OSBPL1A: variants seen among roughly 807,000 people sequenced by gnomAD.
OSBPL1A encodes the protein oxysterol-binding protein-related protein 1.
OSBPL1A carries 80 observed loss-of-function variants against 137.1 expected under a neutral mutation model. That is an observed-to-expected ratio of 0.58 (90% confidence interval 0.49 to 0.70). OSBPL1A has a LOEUF of 0.70. Among genes scored for constraint, OSBPL1A ranks in the 30% least tolerant of loss-of-function variants. The probability of loss-of-function intolerance (pLI) is 0.00; values close to 1 mark genes in which losing one functional copy is unlikely to be tolerated. For synonymous variants in OSBPL1A, 365 were observed against 389.7 expected (o/e 0.94, Z 0.75); for missense variants, 970 against 1,129.4 (o/e 0.86, Z 2.02).
intron 1 of OSBPL1A, among the ~76,000 whole-genome samples, chr18:24,388,351 T>C (rs1430643980): frequency 6.6e-6 from 1 of 152,042 alleles, no homozygotes. Context: ...GATGGATGGA[T>C]GGGCGGATGG....
At chr18:24,182,300 G>A (rs1039894499) in intron 18 of OSBPL1A, among the ~76,000 whole-genome samples, 11 of 152,180 alleles carry the variant, frequency 7.2e-5, no homozygotes, top group African/African-American at 2.7e-4. Flanking sequence ...TTTACCATGT[G>A]CCACCAGCAA....
chr18:24,259,910 G>C (rs1054398824), intron 15 of OSBPL1A, among the ~76,000 whole-genome samples: 1 of 152,146 alleles, frequency 6.6e-6, no homozygotes, highest in Non-Finnish European at 1.5e-5. Context: ...ATGGAAGGAA[G>C]TATTTGCAAA....
chr18:24,325,404 A>T (rs998039891), intron 7 of OSBPL1A, among the ~76,000 whole-genome samples: 1 of 152,068 alleles, frequency 6.6e-6, no homozygotes, highest in African/African-American at 2.4e-5. Context: ...CTTTTCCTCA[A>T]TGTGCCACGT....
rs141602259 is a variant in OSBPL1A at position 24,268,311 on chromosome 18, G to C, written c.1281+12531C>G. The stretch of plus-strand genomic sequence containing the variant: ...TTTATATTTTTTTTGGGAGAGACAG[G>C]GTTTCACTATGCTGCTGAGGCTGGT... On this transcript the variant is annotated intron_variant, in intron 15 of 27. Transcript: ENST00000319481. 3.2e-3 allele frequency among the ~76,000 whole-genome samples: 483 copies of C among 152,014 alleles called. 1 individual carries two copies. Among genetic ancestry groups the C allele is most frequent in the African/African-American group, 0.011 (472 of 41,462 alleles).
At chr18:24,272,255 C>CTTTT in intron 15 of OSBPL1A, 9 of 948,242 alleles carry the variant, frequency 9.5e-6, no homozygotes, top group Non-Finnish European at 1.1e-5. Context: ...TTTCTTTTTT[C>CTTTT]TTTTTTTTTT....
chr18:24,244,783 A>G (rs934930433), intron 15 of OSBPL1A, among the ~76,000 whole-genome samples: 2 of 152,242 alleles, frequency 1.3e-5, no homozygotes, highest in African/African-American at 4.8e-5. Context: ...TGTGCTAGCC[A>G]GCTACGACAC....
chr18:24,282,784 G>A (rs1229109566), intron 14 of OSBPL1A, among the ~76,000 whole-genome samples: 4 of 152,004 alleles, frequency 2.6e-5, no homozygotes, highest in East Asian at 3.9e-4. Flanking sequence ...CTAAAAGGTC[G>A]GGACAGAACA....
At chr18:24,384,167 G>C (rs1906788407) in intron 1 of OSBPL1A, among the ~76,000 whole-genome samples, 1 of 152,186 alleles carries the variant, frequency 6.6e-6, no homozygotes, top group Non-Finnish European at 1.5e-5. Context: ...TACATAACAG[G>C]GAGATTAACC....
chr18:24,280,390 T>C (rs775960233), intron 15 of OSBPL1A, among the ~76,000 whole-genome samples: 1 of 152,224 alleles, frequency 6.6e-6, no homozygotes, highest in African/African-American at 2.4e-5. Context: ...CCCTTACTCA[T>C]ATTTAGAAAA....
chr18:24,236,865 A>G (rs2088496016), intron 16 of OSBPL1A, among the ~76,000 whole-genome samples: 1 of 152,206 alleles, frequency 6.6e-6, no homozygotes, highest in Non-Finnish European at 1.5e-5. Context: ...GGAGGAGACG[A>G]CTATTAAAAT....
rs183987907 is a variant in OSBPL1A at position 24,254,288 on chromosome 18, C to T, written c.1282-14906G>A. Among the ~76,000 whole-genome samples, 300 of 152,246 alleles carry T rather than the reference C, an allele frequency of 2.0e-3. 2 individuals are homozygous for T. Among genetic ancestry groups the T allele is most frequent in the Non-Finnish European group, 3.3e-3 (226 of 68,008 alleles). On this transcript the variant is annotated intron_variant, in intron 15 of 27. Transcript: ENST00000319481. ...ACCCCATTTTCAGCATTGGACAGAT[C>T]CCCCAGACAGAAAATCAACAAAGAA...
intron 16 of OSBPL1A, among the ~76,000 whole-genome samples, chr18:24,238,534 G>C (rs2088572085): frequency 6.6e-6 from 1 of 152,118 alleles, no homozygotes; most frequent in African/African-American, 2.4e-5. Context: ...TATCTAAACA[G>C]AGAAACTCAT....
intron 4 of OSBPL1A, among the ~76,000 whole-genome samples, chr18:24,348,738 C>T (rs1164894999): frequency 6.6e-6 from 1 of 152,012 alleles, no homozygotes; most frequent in Non-Finnish European, 1.5e-5. Flanking sequence ...CGCACAACTG[C>T]ACTCCAGCCT....
At chr18:24,295,427 T>C (rs896636939) in intron 14 of OSBPL1A, among the ~76,000 whole-genome samples, 6 of 152,180 alleles carry the variant, frequency 3.9e-5, no homozygotes, top group African/African-American at 1.4e-4. Context: ...TTAGGTTCCA[T>C]TTATTTATTT....
At chr18:24,269,780 G>A (rs1328053018) in intron 15 of OSBPL1A, among the ~76,000 whole-genome samples, 1 of 151,586 alleles carries the variant, frequency 6.6e-6, no homozygotes, top group Non-Finnish European at 1.5e-5. Context: ...GCAGATTATA[G>A]TCTTGGTACC....
At chr18:24,196,508 C>T (rs1300827479) in intron 17 of OSBPL1A, among the ~76,000 whole-genome samples, 1 of 152,192 alleles carries the variant, frequency 6.6e-6, no homozygotes, top group Non-Finnish European at 1.5e-5. Flanking sequence ...TATGCTTTCA[C>T]GTTATGGCAC....
chr18:24,168,552 G>A (rs1426814359), intron 24 of OSBPL1A, among the ~76,000 whole-genome samples: 1 of 152,154 alleles, frequency 6.6e-6, no homozygotes, highest in African/African-American at 2.4e-5. Context: ...CTCGAGGAGA[G>A]GTCACGACCG....
intron 14 of OSBPL1A, among the ~76,000 whole-genome samples, chr18:24,282,215 A>G (rs910118735): frequency 3.3e-5 from 5 of 152,208 alleles, no homozygotes; most frequent in African/African-American, 1.2e-4. Flanking sequence ...ACAACAGGGT[A>G]ATGTTTAAGA....
chr18:24,218,834 A>G (rs1441974017), intron 17 of OSBPL1A, among the ~76,000 whole-genome samples: 1 of 152,214 alleles, frequency 6.6e-6, no homozygotes. Flanking sequence ...CATAAAAAAT[A>G]AGCATGTGAG....
Sources: gnomAD v4.1 joint callset for allele counts (sites outside exome capture counted in the v4.1 genomes callset) on GRCh38, gnomAD v4.1.1 for gene constraint, MANE v1.5 for transcripts, NCBI Gene and HGNC (gene_info 2026-07-23, HGNC 2026-07-21) for gene names.